Variants in PTPRA observed in about 807,000 individuals in gnomAD.
The protein encoded by PTPRA is protein tyrosine phosphatase receptor type A, also known as receptor-type tyrosine-protein phosphatase alpha.
A neutral mutation model predicts 104.8 loss-of-function variants in PTPRA; 25 were observed. That is an observed-to-expected ratio of 0.24 (90% CI 0.17 to 0.33). The LOEUF (loss-of-function observed/expected upper bound fraction) is 0.33, where lower values mean the gene tolerates loss of function less well. PTPRA is among the 10% of genes least tolerant of loss of function. The pLI is 1.00. For missense variants in PTPRA, 765 were observed against 1,015.3 expected, an observed-to-expected ratio of 0.75 and a Z score of 3.35; for synonymous variants, 323 against 368.9, an observed-to-expected ratio of 0.88 and a Z score of 1.43.
At chr20:2,870,037 G>A (rs1008081919), upstream of PTPRA, among the ~76,000 whole-genome samples, 1 of 148,904 alleles carries the variant, frequency 6.7e-6, no homozygotes, top group African/African-American at 2.5e-5. Context: ...GTAAGGGGCT[G>A]TATGTCCAGT....
chr20:3,006,507 C>T (rs575141118), intron 10 of PTPRA, among the ~76,000 whole-genome samples: 9 of 152,298 alleles, frequency 5.9e-5, no homozygotes, highest in Middle Eastern at 3.4e-3. Context: ...CAGGGTATAT[C>T]ATACATTAGC....
intron 3 of PTPRA, among the ~76,000 whole-genome samples, chr20:2,948,826 C>T (rs527901206): frequency 6.6e-5 from 10 of 152,174 alleles, no homozygotes; most frequent in East Asian, 5.8e-4. Flanking sequence ...GTGGCGGGCA[C>T]CTGTAGTCCC....
chr20:2,910,224 A>G (rs1301877425), intron 1 of PTPRA, among the ~76,000 whole-genome samples: 1 of 92,456 alleles, frequency 1.1e-5, no homozygotes, highest in Non-Finnish European at 2.1e-5. Flanking sequence ...TATGATATAT[A>G]ATATGTATTG....
intron 1 of PTPRA, among the ~76,000 whole-genome samples, chr20:2,919,083 G>A (rs2060011139): frequency 6.6e-6 from 1 of 152,050 alleles, no homozygotes; most frequent in South Asian, 2.1e-4. Flanking sequence ...TTTTTGATGT[G>A]TTGATTATAT....
rs1038619741 is a variant in PTPRA at position 3,038,230 on chromosome 20, CTG to C, written c.*99_*100del. ...CCCAAATTGTGTATATATCTTATAA[CTG>C]TTTTAGAAATTGGTACATAGGCTTC... On this transcript the variant is annotated 3_prime_UTR_variant, in exon 24 of 24. Coordinates refer to ENST00000399903, the MANE Select transcript of PTPRA (RefSeq NM_001385305.1). 6.5e-6 allele frequency: 8 copies of C among 1,230,580 alleles called. No homozygotes were observed. In the African/African-American group the frequency reaches 9.1e-5, roughly 14 times the overall value. 76.2% of individuals were successfully genotyped at this position (1,230,580 alleles called of 1,614,324 possible).
Position 3,022,565 on chromosome 20 carries a change from C to G in PTPRA, c.1329-124C>G. 7.2e-7 allele frequency: 1 copy of G among 1,384,758 alleles called. No homozygotes were observed. The highest frequency in any genetic ancestry group is 2.1e-5 in the Admixed American group (1 of 46,566). 85.8% of individuals were successfully genotyped at this position (1,384,758 alleles called of 1,614,324 possible). ...GTTGTTGGCTCCTGGAGAGCCCCAGCTCTACCCCATTCAGAATTAGGATTT... is the reference window on the plus strand; with the variant it reads ...GTTGTTGGCTCCTGGAGAGCCCCAGGTCTACCCCATTCAGAATTAGGATTT... On this transcript the variant is annotated intron_variant, in intron 15 of 23. Transcript: ENST00000399903. This position sits in a 1 kb window ranked among gnomAD's most constrained non-coding sequence, Gnocchi z 4.6.
At chr20:3,030,943 G>C (rs2065423374) in intron 20 of PTPRA, among the ~76,000 whole-genome samples, 1 of 152,050 alleles carries the variant, frequency 6.6e-6, no homozygotes, top group South Asian at 2.1e-4. Flanking sequence ...GCCTCCCAGA[G>C]TGCTAAGATT....
At chr20:2,960,508 CAAAGCTGGGATT>C (rs2061714936) in intron 3 of PTPRA, among the ~76,000 whole-genome samples, 1 of 151,940 alleles carries the variant, frequency 6.6e-6, no homozygotes, top group East Asian at 1.9e-4. Context: ...CTCGGCCTCC[CAAAGCTGGGATT>C]ACAGGCATGA....
the PTPRA span, chr20:2,866,752 T>C: frequency 1.0e-6 from 1 of 955,210 alleles, no homozygotes; most frequent in South Asian, 1.8e-5. Context: ...TCTTACACAG[T>C]CCAGCCTAAG....
At chr20:2,891,827 T>A (rs188611655) in intron 1 of PTPRA, among the ~76,000 whole-genome samples, 16 of 152,268 alleles carry the variant, frequency 1.1e-4, no homozygotes, top group South Asian at 4.1e-4. Flanking sequence ...CCTATGCACA[T>A]CCTCCTGTGT....
chr20:2,893,305 G>A (rs576781490), intron 1 of PTPRA, among the ~76,000 whole-genome samples: 1 of 152,268 alleles, frequency 6.6e-6, no homozygotes, highest in East Asian at 1.9e-4. Flanking sequence ...GAGTGAACTG[G>A]TATTCCCTTT....
At chr20:2,871,789 G>A (rs2089435483), upstream of PTPRA, among the ~76,000 whole-genome samples, 1 of 152,190 alleles carries the variant, frequency 6.6e-6, no homozygotes, top group Non-Finnish European at 1.5e-5. Context: ...CCCTCACTGG[G>A]GTCTGAGCGT....
chr20:3,019,954 A>G (rs1218166222), intron 13 of PTPRA, among the ~76,000 whole-genome samples: 3 of 151,704 alleles, frequency 2.0e-5, no homozygotes, highest in East Asian at 3.9e-4. Flanking sequence ...CGCGCCTGCA[A>G]TCGCAGGCAC....
intron 5 of PTPRA, among the ~76,000 whole-genome samples, chr20:2,967,322 A>G (rs2061981880): frequency 6.6e-6 from 1 of 152,204 alleles, no homozygotes; most frequent in Non-Finnish European, 1.5e-5. Flanking sequence ...ATTCAAGATG[A>G]GTAAAACACA....
chr20:2,959,039 G>T (rs1315399675), intron 3 of PTPRA, among the ~76,000 whole-genome samples: 2 of 152,076 alleles, frequency 1.3e-5, no homozygotes, highest in African/African-American at 4.8e-5. Context: ...ATTGTATATG[G>T]GGGGTCGGGA....
chr20:2,999,484 GTTT>G lies in PTPRA; in HGVS notation c.739-5570_739-5568del, dbSNP rs1286356553. On this transcript the variant is annotated intron_variant, in intron 9 of 23. Coordinates refer to ENST00000399903, the MANE Select transcript of PTPRA (RefSeq NM_001385305.1). The stretch of plus-strand genomic sequence containing the variant: ...TTATAAAATTTTAGTAATTAAGACA[GTTT>G]TGTATTGGCACTGGGATAGACAGAT... 3.3e-5 allele frequency among the ~76,000 whole-genome samples: 5 copies of G among 152,318 alleles called. No homozygotes were observed. In the South Asian group the frequency reaches 1.0e-3, roughly 32 times the overall value.
chr20:3,010,418 G>A (rs1431817128), intron 11 of PTPRA, among the ~76,000 whole-genome samples: 1 of 151,688 alleles, frequency 6.6e-6, no homozygotes. Flanking sequence ...CACAAGGTCA[G>A]GAGATCGAGA....
chr20:2,965,800 G>A (rs370240237), intron 5 of PTPRA, among the ~76,000 whole-genome samples: 8 of 152,194 alleles, frequency 5.3e-5, no homozygotes, highest in South Asian at 4.1e-4. Flanking sequence ...CAGGGCCTCA[G>A]GTTGAAGCAG....
intron 3 of PTPRA, among the ~76,000 whole-genome samples, chr20:2,953,297 C>T (rs746843962): frequency 2.1e-4 from 32 of 151,984 alleles, no homozygotes; most frequent in Non-Finnish European, 4.3e-4. Flanking sequence ...CTCTGTCACC[C>T]AGGCTGAAGT....
Sources: allele counts gnomAD v4.1 joint callset (sites outside exome capture counted in the v4.1 genomes callset), GRCh38; gene constraint gnomAD v4.1.1; non-coding constraint Gnocchi (gnomAD v3.1); transcripts MANE v1.5; gene names NCBI Gene and HGNC (gene_info 2026-07-23, HGNC 2026-07-21).